Variants in DGKB observed in about 807,000 individuals in gnomAD.
The protein encoded by DGKB is 90 kDa diacylglycerol kinase.
DGKB carries 67 observed loss-of-function variants against 114.3 expected under a neutral mutation model. The ratio of observed to expected loss-of-function variants is 0.59; its 90% confidence interval spans 0.48 to 0.72. The LOEUF (loss-of-function observed/expected upper bound fraction) is 0.72, where lower values mean the gene tolerates loss of function less well. Among genes scored for constraint, DGKB ranks in the 30% least tolerant of loss-of-function variants. The pLI is 0.00. For missense variants in DGKB, 907 were observed against 975.2 expected (o/e 0.93, Z 0.93); for synonymous variants, 398 against 323.1 (o/e 1.23, Z -2.49).
intron 23 of DGKB, among the ~76,000 whole-genome samples, chr7:14,210,825 T>A (rs1787648841): frequency 6.6e-6 from 1 of 152,050 alleles, no homozygotes; most frequent in Non-Finnish European, 1.5e-5. Context: ...CCTCTCTGCT[T>A]CCTGTTACCA....
rs534776530 is a variant in DGKB, at chr7:14,676,791, T to G, written c.1036-3764A>C. Among the ~76,000 whole-genome samples, 8 of 152,016 alleles carry G rather than the reference T, an allele frequency of 5.3e-5. No individual in the cohort carries two copies. The East Asian group carries it at 1.6e-3, about 29-fold the overall frequency. ...GTCCTCATCAAGAATAGAAATGAAC[T>G]ACAGCATTGAAGATGCTGCCTCTTT... is the stretch of plus-strand genomic sequence containing the variant. On this transcript the variant is annotated intron_variant, in intron 12 of 25. Coordinates refer to ENST00000402815, the MANE Select transcript of DGKB (RefSeq NM_001350709.2).
chr7:14,574,607 A>G (rs1798849550), intron 19 of DGKB, among the ~76,000 whole-genome samples: 1 of 152,190 alleles, frequency 6.6e-6, no homozygotes. Flanking sequence ...GCAAATTCTC[A>G]GCATATACAA....
rs750329719 is a variant in DGKB, at chr7:14,334,362, ATGTG to A, written c.2122+4149_2122+4152del. On this transcript the variant is annotated intron_variant, in intron 23 of 25. Coordinates refer to ENST00000402815, the MANE Select transcript of DGKB (RefSeq NM_001350709.2). ...TTTATTTCTTTATATGTATATACATATGTGTGTGTGTGTGTGTGTGTGTGTGTGT... is the reference window on the plus strand; with the variant it reads ...TTTATTTCTTTATATGTATATACATATGTGTGTGTGTGTGTGTGTGTGTGT... Among the ~76,000 whole-genome samples, 782 of 144,820 alleles carry A rather than the reference ATGTG, an allele frequency of 5.4e-3. 13 individuals are homozygous for A. The highest frequency in any genetic ancestry group is 0.034 in the Admixed American group (489 of 14,524).
At chr7:14,896,588 T>C (rs904438666) in intron 1 of DGKB, among the ~76,000 whole-genome samples, 3 of 151,706 alleles carry the variant, frequency 2.0e-5, no homozygotes, top group African/African-American at 7.2e-5. Context: ...TTGGAAATAA[T>C]AGCTAATATT....
intron 25 of DGKB, among the ~76,000 whole-genome samples, chr7:14,168,312 A>G (rs931776114): frequency 3.3e-5 from 5 of 152,234 alleles, no homozygotes; most frequent in Non-Finnish European, 7.3e-5. Flanking sequence ...TCAAAGATCT[A>G]TGAGACAATA....
intron 14 of DGKB, among the ~76,000 whole-genome samples, chr7:14,625,084 G>C (rs1010531074): frequency 2.6e-5 from 4 of 151,958 alleles, no homozygotes; most frequent in African/African-American, 7.3e-5. Context: ...ATGAAATCCA[G>C]AATTATGAGA....
chr7:14,965,165 T>G (rs891772949), intron 1 of DGKB, among the ~76,000 whole-genome samples: 1 of 152,124 alleles, frequency 6.6e-6, no homozygotes, highest in Non-Finnish European at 1.5e-5. Flanking sequence ...ACCCTAGATA[T>G]GCAAGTAGAA....
At chr7:14,354,742 T>C (rs1373409114) in intron 21 of DGKB, among the ~76,000 whole-genome samples, 1 of 152,180 alleles carries the variant, frequency 6.6e-6, no homozygotes, top group Non-Finnish European at 1.5e-5. Flanking sequence ...TGGCTTTCTA[T>C]GGATTTTGAT....
At chr7:14,699,729 C>T (rs1236751180) in intron 7 of DGKB, among the ~76,000 whole-genome samples, 1 of 152,014 alleles carries the variant, frequency 6.6e-6, no homozygotes, top group Non-Finnish European at 1.5e-5. Flanking sequence ...GGAGTAGTAG[C>T]TATTGTGGAG....
intron 21 of DGKB, among the ~76,000 whole-genome samples, chr7:14,369,903 A>G (rs919651293): frequency 6.6e-6 from 1 of 150,578 alleles, no homozygotes; most frequent in South Asian, 2.1e-4. Context: ...TCTGAAAAGA[A>G]CTATCTGATT....
At chr7:14,947,893 C>A (rs1441125357) in intron 1 of DGKB, among the ~76,000 whole-genome samples, 1 of 151,538 alleles carries the variant, frequency 6.6e-6, no homozygotes, top group Non-Finnish European at 1.5e-5. Flanking sequence ...TAATTGACTT[C>A]CACACCAAAC....
intron 1 of DGKB, among the ~76,000 whole-genome samples, chr7:14,855,982 AAT>A (rs201020989): frequency 0.018 from 1,695 of 95,334 alleles, 18 homozygotes; most frequent in Admixed American, 0.019. Flanking sequence ...TAATTTAGAT[AAT>A]GTGTATATAT....
chr7:14,498,763 A>G (rs1785677132), intron 20 of DGKB, among the ~76,000 whole-genome samples: 1 of 151,756 alleles, frequency 6.6e-6, no homozygotes, highest in African/African-American at 2.4e-5. Flanking sequence ...ATTAATTCCA[A>G]CAGAATAACA....
intron 9 of DGKB, among the ~76,000 whole-genome samples, chr7:14,693,329 T>C (rs1055577376): frequency 1.3e-5 from 2 of 152,058 alleles, no homozygotes; most frequent in African/African-American, 4.8e-5. Flanking sequence ...TTTCATCAGA[T>C]TTTTAGAATA....
chr7:14,941,654 G>A (rs772233699), intron 1 of DGKB, among the ~76,000 whole-genome samples: 1 of 151,990 alleles, frequency 6.6e-6, no homozygotes, highest in African/African-American at 2.4e-5. Context: ...GGTACTAAAT[G>A]TAAAAACCAA....
chr7:14,720,399 G>A (rs1256067347), intron 5 of DGKB, among the ~76,000 whole-genome samples: 1 of 151,640 alleles, frequency 6.6e-6, no homozygotes, highest in African/African-American at 2.4e-5. Context: ...CTGCCTCCTG[G>A]GTTCAAGTGA....
chr7:14,878,600 T>C (rs374664749), intron 1 of DGKB, among the ~76,000 whole-genome samples: 2 of 151,894 alleles, frequency 1.3e-5, no homozygotes, highest in African/African-American at 4.8e-5. Flanking sequence ...AAAAACAAAA[T>C]TAGCTGGGCG....
intron 17 of DGKB, among the ~76,000 whole-genome samples, chr7:14,593,355 G>A (rs1802008121): frequency 1.3e-5 from 2 of 151,942 alleles, no homozygotes; most frequent in African/African-American, 4.8e-5. Context: ...TATAAAGTGA[G>A]TTAGAAATGA....
intron 5 of DGKB, among the ~76,000 whole-genome samples, chr7:14,726,489 A>T (rs1429631874): frequency 6.6e-6 from 1 of 152,168 alleles, no homozygotes; most frequent in Non-Finnish European, 1.5e-5. Context: ...GAGAAAAATA[A>T]ATCAGAGGAA....
Sources: gnomAD v4.1 joint callset for allele counts (sites outside exome capture counted in the v4.1 genomes callset) on GRCh38, gnomAD v4.1.1 for gene constraint, MANE v1.5 for transcripts, NCBI Gene and HGNC (gene_info 2026-07-23, HGNC 2026-07-21) for gene names.